The following NEO1 variants were observed in gnomAD, a reference collection of about 807,000 sequenced individuals.
NEO1 encodes neogenin 1.
In NEO1, 63 loss-of-function variants were observed where a neutral mutation model predicts 159.7. That is an observed-to-expected ratio of 0.39 (90% CI 0.32 to 0.49). The LOEUF (loss-of-function observed/expected upper bound fraction) is 0.49, where lower values mean the gene tolerates loss of function less well. Among genes scored for constraint, NEO1 ranks in the 20% least tolerant of loss-of-function variants. NEO1 has a pLI of 0.85. For missense variants in NEO1, 1,615 were observed against 1,831.0 expected (o/e 0.88, Z 2.15); for synonymous variants, 633 against 662.0 (o/e 0.96, Z 0.67).
intron 1 of NEO1, among the ~76,000 whole-genome samples, chr15:73,067,380 T>G (rs983889524): frequency 6.6e-6 from 1 of 152,120 alleles, no homozygotes; most frequent in African/African-American, 2.4e-5. Context: ...AATGTCTGTT[T>G]GTGGTGACCA....
chr15:73,111,275 T>C (rs138618633), intron 1 of NEO1, among the ~76,000 whole-genome samples: 122 of 152,342 alleles, frequency 8.0e-4, no homozygotes, highest in Non-Finnish European at 1.5e-3. Context: ...ATTTTGAACG[T>C]ACATTTTTTA....
intron 5 of NEO1, among the ~76,000 whole-genome samples, chr15:73,139,822 A>C (rs536985078): frequency 6.6e-6 from 1 of 152,348 alleles, no homozygotes; most frequent in Admixed American, 6.5e-5. Flanking sequence ...GGCTGCTTTC[A>C]TGCCACTACA....
intron 4 of NEO1, among the ~76,000 whole-genome samples, chr15:73,129,239 A>G (rs1470465972): frequency 6.6e-6 from 1 of 152,178 alleles, no homozygotes; most frequent in Non-Finnish European, 1.5e-5. Flanking sequence ...TTTTGGTTGG[A>G]TGTATGTAAT....
At chr15:73,201,872 A>T (rs1472426021) in intron 7 of NEO1, among the ~76,000 whole-genome samples, 1 of 151,402 alleles carries the variant, frequency 6.6e-6, no homozygotes, top group African/African-American at 2.4e-5. Flanking sequence ...TAGTATTAAT[A>T]TAGCTAATTA....
chr15:73,277,527 T>A (rs2041474552), intron 21 of NEO1, among the ~76,000 whole-genome samples: 1 of 152,176 alleles, frequency 6.6e-6, no homozygotes, highest in Non-Finnish European at 1.5e-5. Flanking sequence ...GAAGACTGTT[T>A]TTTTCAGCCT....
At chr15:73,111,993 T>G (rs1197925943) in intron 1 of NEO1, among the ~76,000 whole-genome samples, 5 of 152,104 alleles carry the variant, frequency 3.3e-5, no homozygotes, top group Non-Finnish European at 5.9e-5. Flanking sequence ...GGAACTATTT[T>G]ATCTGCTTGG....
rs149021283 is a variant in NEO1, at chr15:73,130,189, G to A, written c.878+3619G>A. Among the ~76,000 whole-genome samples the A allele has an allele frequency of 1.3e-3, 196 of 152,172 alleles. 1 individual carries two copies. Among genetic ancestry groups the A allele is most frequent in the Middle Eastern group, 3.4e-3 (1 of 294 alleles). On this transcript the variant is annotated intron_variant, in intron 4 of 28. Coordinates refer to ENST00000261908, the MANE Select transcript of NEO1 (RefSeq NM_002499.4). Reference sequence around the variant, plus strand: ...GGGTTTCACCATGTTGGCCAGGCTGGTCTCAAACTCCTGGCCTCAAGTGAT... The same window carrying A: ...GGGTTTCACCATGTTGGCCAGGCTGATCTCAAACTCCTGGCCTCAAGTGAT...
In NEO1 at chr15:73,253,262, T is replaced by C. The variant is rs2040172959; in HGVS notation, c.1895-138T>C. 1.7e-5 allele frequency: 8 copies of C among 464,236 alleles called. No homozygotes were observed. The South Asian group carries it at 4.3e-4, about 25-fold the overall frequency. 28.8% of individuals were successfully genotyped at this position (464,236 alleles called of 1,614,324 possible). A position where few individuals can be genotyped will look rare whatever the true frequency, so the allele number is the denominator to read the frequency against. ...ACATAGTATTGTCAACATGAGGGCA[T>C]TGGCAGCTAGTTTAGATCTGGTCAC... On this transcript the variant is annotated intron_variant, in intron 11 of 28. Transcript: ENST00000261908.
rs1357589630 is a variant in NEO1 at position 73,303,584 on chromosome 15, T to C, written c.*888T>C. ...CTTTCTTCCAGAAGCCTGCAGAGAA[T>C]GGAAGCATCTTCTTTATTGTCCTTT... is the stretch of plus-strand genomic sequence containing the variant. On this transcript the variant is annotated 3_prime_UTR_variant, in exon 29 of 29. Transcript: ENST00000261908. The C allele has an allele frequency of 6.6e-6, 1 of 152,220 alleles. No homozygotes were observed. Among genetic ancestry groups the C allele is most frequent in the African/African-American group, 2.4e-5 (1 of 41,448 alleles). The allele number at this position is 152,220 out of a possible 1,614,324, so 9.4% of individuals were successfully genotyped here. A position where few individuals can be genotyped will look rare whatever the true frequency, so the allele number is the denominator to read the frequency against.
intron 9 of NEO1, among the ~76,000 whole-genome samples, chr15:73,247,872 A>C (rs1016258049): frequency 5.3e-5 from 8 of 152,184 alleles, no homozygotes; most frequent in African/African-American, 1.9e-4. Context: ...CCATTGTAGG[A>C]GATAGAGCCA....
intron 4 of NEO1, 164 bp downstream of exon 4, chr15:73,126,734 G>A: frequency 1.9e-6 from 1 of 538,666 alleles, no homozygotes; most frequent in Non-Finnish European, 3.0e-6. Flanking sequence ...TATATGATGA[G>A]GATATTTAAA....
At position 73,150,102 on chromosome 15, in the gene NEO1, G is replaced by C. The variant is rs1199401594; in HGVS notation, c.1015+14075G>C. ...TAATGATCACAGACCTAAATAGTTT[G>C]TAGTTTCAAAGCAGAATTTACATGG... On this transcript the variant is annotated intron_variant, in intron 5 of 28. Transcript: ENST00000261908. Among the ~76,000 whole-genome samples, 3 of 152,230 alleles carry C rather than the reference G, an allele frequency of 2.0e-5. No individual in the cohort carries two copies. In the East Asian group the frequency reaches 5.8e-4, roughly 29 times the overall value.
chr15:73,090,115 G>A (rs200191986), intron 1 of NEO1, among the ~76,000 whole-genome samples: 2 of 152,152 alleles, frequency 1.3e-5, no homozygotes, highest in East Asian at 3.8e-4. Flanking sequence ...TATAGGAATT[G>A]ATATAGAAAT....
intron 23 of NEO1, among the ~76,000 whole-genome samples, chr15:73,283,912 G>A (rs1353409568): frequency 1.3e-5 from 2 of 152,150 alleles, no homozygotes; most frequent in Non-Finnish European, 2.9e-5. Context: ...AGAGTTGGGG[G>A]TGGGGGTAGG....
chr15:73,249,344 A>G (rs937778285), intron 10 of NEO1, 136 bp downstream of exon 10: 41 of 1,092,568 alleles, frequency 3.8e-5, no homozygotes, highest in Non-Finnish European at 5.0e-5. Flanking sequence ...GACAGATTCT[A>G]TTTCTTTGTA....
At chr15:73,226,107 C>T (rs2038576065) in intron 7 of NEO1, among the ~76,000 whole-genome samples, 1 of 152,184 alleles carries the variant, frequency 6.6e-6, no homozygotes, top group African/African-American at 2.4e-5. Context: ...CTCCCTTTCC[C>T]ACTTCCACAG....
chr15:73,062,022 A>G (rs1192272199), intron 1 of NEO1, among the ~76,000 whole-genome samples: 1 of 152,252 alleles, frequency 6.6e-6, no homozygotes, highest in African/African-American at 2.4e-5. Context: ...GCACATGTGC[A>G]AGTAAACCAT....
intron 1 of NEO1, among the ~76,000 whole-genome samples, chr15:73,065,919 A>G (rs2068191265): frequency 6.6e-6 from 1 of 152,180 alleles, no homozygotes; most frequent in Non-Finnish European, 1.5e-5. Context: ...GAAAACAGTA[A>G]TAGTCCTGAT....
intron 1 of NEO1, among the ~76,000 whole-genome samples, chr15:73,111,594 AT>A (rs1206523733): frequency 6.6e-6 from 1 of 151,904 alleles, no homozygotes; most frequent in Non-Finnish European, 1.5e-5. Context: ...AAGGTATAAT[AT>A]TTATTTATTT....
Sources: allele counts gnomAD v4.1 joint callset (sites outside exome capture counted in the v4.1 genomes callset), GRCh38; gene constraint gnomAD v4.1.1; transcripts MANE v1.5; gene names NCBI Gene and HGNC (gene_info 2026-07-23, HGNC 2026-07-21).